The following SYT1 variants were observed in gnomAD, a reference collection of about 807,000 sequenced individuals.
The protein encoded by SYT1 is synaptotagmin-1.
In SYT1, 8 loss-of-function variants were observed where a neutral mutation model predicts 44.8. The ratio of observed to expected loss-of-function variants is 0.18; its 90% CI spans 0.10 to 0.32. The LOEUF is 0.32. Ranked by LOEUF, SYT1 falls within the 10% of genes least tolerant of loss-of-function variation. The pLI is 1.00. For synonymous variants in SYT1, 154 were observed against 188.8 expected (o/e 0.82, Z 1.51); for missense variants, 286 against 509.3 (o/e 0.56, Z 4.22).
chr12:78,998,276 G>C (rs2137517650), intron 2 of SYT1, among the ~76,000 whole-genome samples: 1 of 152,252 alleles, frequency 6.6e-6, no homozygotes, highest in South Asian at 2.1e-4. Flanking sequence ...TTAGCTGAAG[G>C]AACAGTTAGG....
intron 3 of SYT1, among the ~76,000 whole-genome samples, chr12:79,083,987 G>A (rs1225997640): frequency 6.6e-6 from 1 of 152,158 alleles, no homozygotes; most frequent in Non-Finnish European, 1.5e-5. Flanking sequence ...ACAGCAGTTT[G>A]TCAAGGAGAG....
intron 3 of SYT1, among the ~76,000 whole-genome samples, chr12:79,113,150 T>C (rs914460491): frequency 2.0e-5 from 3 of 152,156 alleles, no homozygotes; most frequent in Admixed American, 6.6e-5. Context: ...TATTTGTGTT[T>C]CTGATATGTT....
intron 4 of SYT1, among the ~76,000 whole-genome samples, chr12:79,268,219 T>C (rs1385170164): frequency 6.6e-6 from 1 of 152,164 alleles, no homozygotes; most frequent in Non-Finnish European, 1.5e-5. Flanking sequence ...AGTTTTGATG[T>C]ATTGACAGTT....
At chr12:79,130,432 A>G (rs1201877424) in intron 3 of SYT1, among the ~76,000 whole-genome samples, 2 of 152,208 alleles carry the variant, frequency 1.3e-5, no homozygotes, top group African/African-American at 4.8e-5. Flanking sequence ...CGTATTGTTC[A>G]TAAGCAGTTC....
At position 79,209,626 on chromosome 12, in the gene SYT1, C is replaced by A. The variant is rs35592115; in HGVS notation, c.-17-7877C>A. 7.2e-3 allele frequency among the ~76,000 whole-genome samples: 1,092 copies of A among 152,252 alleles called. 5 individuals carry two copies. Among genetic ancestry groups the A allele is most frequent in the Middle Eastern group, 0.037 (11 of 294 alleles). ...CAAGGCAGCTGCTTTTGGTCAAGGG[C>A]AATTTCTCTGGAGTGACTCCCTGGC... is the stretch of plus-strand genomic sequence containing the variant. On this transcript the variant is annotated intron_variant, in intron 3 of 10. Coordinates refer to ENST00000261205, the MANE Select transcript of SYT1 (RefSeq NM_005639.3).
intron 2 of SYT1, among the ~76,000 whole-genome samples, chr12:78,980,951 T>G (rs1869206247): frequency 6.6e-6 from 1 of 151,672 alleles, no homozygotes; most frequent in Non-Finnish European, 1.5e-5. Flanking sequence ...AGATGCTGGG[T>G]AGATTTAGAG....
intron 9 of SYT1, among the ~76,000 whole-genome samples, chr12:79,380,395 T>G (rs922964157): frequency 2.6e-5 from 4 of 152,210 alleles, no homozygotes; most frequent in Non-Finnish European, 5.9e-5. Flanking sequence ...AAGAATTTTT[T>G]GTTTATTTAT....
chr12:78,894,023 TG>T (rs1373856751), intron 1 of SYT1, among the ~76,000 whole-genome samples: 1 of 151,638 alleles, frequency 6.6e-6, no homozygotes, highest in Admixed American at 6.6e-5. Flanking sequence ...GTGAGAGCAC[TG>T]TGTTCTTTCT....
At chr12:79,219,235 A>G (rs1369705302) in intron 4 of SYT1, among the ~76,000 whole-genome samples, 1 of 151,842 alleles carries the variant, frequency 6.6e-6, no homozygotes, top group Non-Finnish European at 1.5e-5. Flanking sequence ...TGAGGTCCTT[A>G]TATATTTTGG....
chr12:79,444,194 T>G lies in SYT1; in HGVS notation c.1050T>G (p.Phe350Leu). Reference sequence around the variant, plus strand: ...AGTCATTCAGCTTTGAAGTACCTTTTGAACAAATCCAGGTAATGTCAAACA... The same window carrying G: ...AGTCATTCAGCTTTGAAGTACCTTTGGAACAAATCCAGGTAATGTCAAACA... ...YNESFSFEVP[F>L]EQIQKVQVVV... Residue 350 changes from phenylalanine to leucine, a missense_variant, in exon 10 of 11, where the codon TTT (phenylalanine) becomes TTG (leucine). Around this residue, in one of 6 missense-constraint regions of SYT1, gnomAD observed 14 missense variants for 16.2 expected, o/e 0.86. Coordinates refer to ENST00000261205, the MANE Select transcript of SYT1 (RefSeq NM_005639.3). 3.1e-6 allele frequency: 5 copies of G among 1,612,884 alleles called. No individual in the cohort carries two copies. The highest frequency in any genetic ancestry group is 4.2e-6 in the Non-Finnish European group (5 of 1,179,384).
chr12:79,318,377 C>T (rs2138967775), intron 8 of SYT1, among the ~76,000 whole-genome samples: 1 of 152,322 alleles, frequency 6.6e-6, no homozygotes, highest in South Asian at 2.1e-4. Context: ...CTGGTTTGTC[C>T]TCGAATGGAA....
In SYT1 at chr12:79,217,529, G is replaced by A. The variant is rs771092466; in HGVS notation, c.10G>A (p.Glu4Lys). Residue 4 changes from glutamate (E) to lysine (K), a missense_variant, in exon 4 of 11, where the codon GAG (glutamate) becomes AAG (lysine). By Grantham distance (56) the Glu-to-Lys change is moderately conservative. Coordinates refer to ENST00000261205, the MANE Select transcript of SYT1 (RefSeq NM_005639.3). ...TTCACCTGAACCTAAAATGGTGAGC[G>A]AGAGTCACCATGAGGCCCTGGCAGC... The part of the protein sequence containing the change: MVS[E>K]SHHEALAAPP... 8 of 1,594,446 alleles carry A rather than the reference G, an allele frequency of 5.0e-6. No individual in the cohort carries two copies. Among genetic ancestry groups the A allele is most frequent in the South Asian group, 4.5e-5 (4 of 89,134 alleles).
intron 6 of SYT1, among the ~76,000 whole-genome samples, chr12:79,293,410 T>TAACA (rs1491415574): frequency 1.5e-5 from 1 of 66,866 alleles, no homozygotes; most frequent in African/African-American, 5.4e-5. Flanking sequence ...TAAAATAAAA[T>TAACA]TAAAAAATCT....
At chr12:78,953,494 A>G (rs750565647) in intron 1 of SYT1, among the ~76,000 whole-genome samples, 1 of 152,130 alleles carries the variant, frequency 6.6e-6, no homozygotes, top group Non-Finnish European at 1.5e-5. Flanking sequence ...CTGGATGAAC[A>G]GTATCATCAT....
intron 9 of SYT1, among the ~76,000 whole-genome samples, chr12:79,442,236 A>G (rs1465743309): frequency 6.6e-6 from 1 of 152,186 alleles, no homozygotes; most frequent in Non-Finnish European, 1.5e-5. Context: ...ATAAAATTGC[A>G]AGGCGTTGGA....
intron 9 of SYT1, among the ~76,000 whole-genome samples, chr12:79,423,472 T>C (rs951716106): frequency 3.3e-5 from 5 of 152,082 alleles, no homozygotes; most frequent in East Asian, 1.9e-4. Flanking sequence ...GAAGTAGCTC[T>C]GCCCTCAGAA....
chr12:79,065,410 G>A lies in SYT1; in HGVS notation c.-18+18048G>A, dbSNP rs191038140. ...TGTCCCAAAAGAGAGGAGTGGAGGG[G>A]AGGGGAGGAGAGGGGCACAAAGGTG... On this transcript the variant is annotated intron_variant, in intron 3 of 10. Coordinates refer to ENST00000261205, the MANE Select transcript of SYT1 (RefSeq NM_005639.3). Among the ~76,000 whole-genome samples the A allele has an allele frequency of 8.6e-4, 131 of 152,214 alleles. 2 individuals carry two copies. Among genetic ancestry groups the A allele is most frequent in the African/African-American group, 3.0e-3 (125 of 41,540 alleles).
intron 3 of SYT1, among the ~76,000 whole-genome samples, chr12:79,184,507 G>A (rs1407223174): frequency 6.6e-6 from 1 of 151,874 alleles, no homozygotes; most frequent in Non-Finnish European, 1.5e-5. Context: ...GTGACCATCA[G>A]CAAGCCACCC....
intron 3 of SYT1, among the ~76,000 whole-genome samples, chr12:79,172,218 T>C (rs1398846085): frequency 1.3e-5 from 2 of 151,924 alleles, no homozygotes; most frequent in African/African-American, 4.8e-5. Flanking sequence ...ACAGTTAAAC[T>C]TCTCATATTT....
Sources: allele counts gnomAD v4.1 joint callset (sites outside exome capture counted in the v4.1 genomes callset), GRCh38; gene constraint gnomAD v4.1.1; regional missense constraint gnomAD v4.1.1; transcripts MANE v1.5; gene names NCBI Gene and HGNC (gene_info 2026-07-23, HGNC 2026-07-21).